TFEC: variants seen among roughly 807,000 people sequenced by gnomAD.
TFEC encodes the protein class E basic helix-loop-helix protein 34.
Under a neutral mutation model 41.6 loss-of-function variants are expected in TFEC, and 31 were observed. That is an observed-to-expected ratio of 0.74 (90% CI 0.56 to 1.01). The LOEUF is 1.01. TFEC is among the 50% of genes least tolerant of loss of function. The probability of loss-of-function intolerance (pLI) is 0.00; values close to 1 mark genes in which losing one functional copy is unlikely to be tolerated. For missense variants in TFEC, 402 were observed against 404.1 expected (o/e 0.99, Z 0.04); for synonymous variants, 143 against 140.6 (o/e 1.02, Z -0.12).
chr7:115,991,193 C>A (rs1794094889), intron 1 of TFEC, among the ~76,000 whole-genome samples: 1 of 152,144 alleles, frequency 6.6e-6, no homozygotes, highest in South Asian at 2.1e-4. Flanking sequence ...TTTGTCACCA[C>A]CAGGTCTGCT....
chr7:116,093,688 CCT>C (rs1797380946), intron 3 of TFEC, among the ~76,000 whole-genome samples: 1 of 151,948 alleles, frequency 6.6e-6, no homozygotes, highest in African/African-American at 2.4e-5. Context: ...TAGACAAATC[CCT>C]GTCTTCTCTG....
chr7:116,060,952 G>A (rs113183452), intron 3 of TFEC, among the ~76,000 whole-genome samples: 55 of 152,004 alleles, frequency 3.6e-4, no homozygotes, highest in African/African-American at 1.3e-3. Context: ...AGAAGGCATT[G>A]CTAAAAAAAA....
intron 1 of TFEC, among the ~76,000 whole-genome samples, chr7:116,129,560 C>T (rs1413676005): frequency 6.9e-6 from 1 of 144,938 alleles, no homozygotes; most frequent in South Asian, 2.3e-4. Context: ...GTTTTTCTTG[C>T]TACCTTTGTA....
chr7:116,103,682 C>G (rs931652698), intron 3 of TFEC, among the ~76,000 whole-genome samples: 1 of 152,098 alleles, frequency 6.6e-6, no homozygotes, highest in East Asian at 1.9e-4. Flanking sequence ...GTTATTCATT[C>G]GGTGGCAGCT....
intron 3 of TFEC, among the ~76,000 whole-genome samples, chr7:115,965,438 G>A (rs1463364079): frequency 6.6e-6 from 1 of 151,660 alleles, no homozygotes; most frequent in East Asian, 1.9e-4. Flanking sequence ...GTGGGTCAAA[G>A]TTTCCATTAC....
intron 3 of TFEC, among the ~76,000 whole-genome samples, chr7:116,073,205 A>C (rs1796872482): frequency 6.6e-6 from 1 of 151,764 alleles, no homozygotes; most frequent in African/African-American, 2.4e-5. Context: ...TGGGCAATCC[A>C]AAAATGAAAT....
At chr7:116,151,522 C>T (rs1798760537) in intron 1 of TFEC, among the ~76,000 whole-genome samples, 1 of 152,118 alleles carries the variant, frequency 6.6e-6, no homozygotes, top group Non-Finnish European at 1.5e-5. Context: ...AAATTACAGG[C>T]ATGAGCCACT....
At chr7:116,015,183 G>A (rs964776959) in intron 1 of TFEC, among the ~76,000 whole-genome samples, 6 of 151,418 alleles carry the variant, frequency 4.0e-5, no homozygotes, top group African/African-American at 1.5e-4. Context: ...AAATTTTGCT[G>A]ATGGTTTCTA....
chr7:116,126,546 C>T (rs898364760), intron 1 of TFEC, among the ~76,000 whole-genome samples: 1 of 152,006 alleles, frequency 6.6e-6, no homozygotes. Flanking sequence ...AAAAAAGGAA[C>T]ACTATCAAGA....
chr7:116,046,989 T>A (rs527735307), intron 3 of TFEC, among the ~76,000 whole-genome samples: 104 of 152,298 alleles, frequency 6.8e-4, no homozygotes, highest in African/African-American at 2.4e-3. Flanking sequence ...TAGAAAGCAT[T>A]TACTTGTGTC....
At chr7:116,111,595 G>A (rs1250897147) in intron 2 of TFEC, among the ~76,000 whole-genome samples, 5 of 152,018 alleles carry the variant, frequency 3.3e-5, no homozygotes, top group African/African-American at 4.8e-5. Flanking sequence ...GCAGACTGAA[G>A]AACAGTGCTG....
At chr7:116,152,723 A>T (rs373337703) in intron 1 of TFEC, among the ~76,000 whole-genome samples, 41 of 152,230 alleles carry the variant, frequency 2.7e-4, no homozygotes, top group African/African-American at 9.9e-4. Context: ...AAGTTGAAAA[A>T]GTAGTTGTGA....
At chr7:116,093,275 T>C (rs1049458059) in intron 3 of TFEC, among the ~76,000 whole-genome samples, 1 of 151,934 alleles carries the variant, frequency 6.6e-6, no homozygotes, top group Non-Finnish European at 1.5e-5. Flanking sequence ...AAAAGAAAAA[T>C]CTACAGGTAC....
chr7:116,084,977 A>C (rs893178525), intron 3 of TFEC, among the ~76,000 whole-genome samples: 1 of 152,036 alleles, frequency 6.6e-6, no homozygotes, highest in East Asian at 1.9e-4. Flanking sequence ...GAGATGTCAG[A>C]AGACCAACAT....
At chr7:116,150,957 A>G (rs777284108) in intron 1 of TFEC, among the ~76,000 whole-genome samples, 1 of 152,218 alleles carries the variant, frequency 6.6e-6, no homozygotes, top group Non-Finnish European at 1.5e-5. Flanking sequence ...TAATTAATGT[A>G]AAATCAGGAT....
Position 115,998,445 on chromosome 7 carries a change from A to G in TFEC, c.-72-13932T>C, listed in dbSNP as rs1187353149. Among the ~76,000 whole-genome samples, 8 of 152,040 alleles carry G rather than the reference A, an allele frequency of 5.3e-5. No individual in the cohort carries two copies. In the East Asian group the frequency reaches 1.5e-3, roughly 29 times the overall value. ...AAGACCACATAACAAACAGAAAAAAATAACAAAATGCAAGAGTACTTTCTT... is the reference window on the plus strand; with the variant it reads ...AAGACCACATAACAAACAGAAAAAAGTAACAAAATGCAAGAGTACTTTCTT... On this transcript the variant is annotated intron_variant, in intron 1 of 7. Transcript: ENST00000265440.
At chr7:116,086,341 A>G (rs1283015441) in intron 3 of TFEC, among the ~76,000 whole-genome samples, 1 of 151,886 alleles carries the variant, frequency 6.6e-6, no homozygotes, top group Non-Finnish European at 1.5e-5. Flanking sequence ...TTAAAATAAT[A>G]CCATATTTAG....
At chr7:116,032,011 G>C (rs572906238), upstream of TFEC, among the ~76,000 whole-genome samples, 20 of 152,180 alleles carry the variant, frequency 1.3e-4, no homozygotes, top group African/African-American at 4.8e-4. Context: ...GATTGAATTA[G>C]AGTTTAATAC....
intron 1 of TFEC, among the ~76,000 whole-genome samples, chr7:116,112,782 C>T (rs17138312): frequency 0.15 from 22,996 of 151,820 alleles, 1,785 homozygotes; most frequent in East Asian, 0.26. Context: ...TAGGTAATAA[C>T]GGATCAGCAA....
Sources: allele counts gnomAD v4.1 joint callset (sites outside exome capture counted in the v4.1 genomes callset), GRCh38; gene constraint gnomAD v4.1.1; transcripts MANE v1.5; gene names NCBI Gene and HGNC (gene_info 2026-07-23, HGNC 2026-07-21).